Variants in ADK observed in about 807,000 individuals in gnomAD.
ADK encodes adenosine kinase.
In ADK, 24 loss-of-function variants were observed where a neutral mutation model predicts 44.7. The observed-to-expected ratio is 0.54, with a 90% CI of 0.39 to 0.76. ADK has a LOEUF of 0.76. ADK is among the 30% of genes least tolerant of loss of function. The probability of loss-of-function intolerance (pLI) is 0.00; values close to 1 mark genes in which losing one functional copy is unlikely to be tolerated. For synonymous variants in ADK, 128 were observed against 142.6 expected, an observed-to-expected ratio of 0.90 and a Z score of 0.73; for missense variants, 321 against 425.1, an observed-to-expected ratio of 0.76 and a Z score of 2.15.
chr10:74,410,399 C>T (rs1434382231), intron 6 of ADK, among the ~76,000 whole-genome samples: 2 of 152,038 alleles, frequency 1.3e-5, no homozygotes, highest in African/African-American at 2.4e-5. Flanking sequence ...TTAGGCCAGG[C>T]ACAGTGGCTC....
intron 2 of ADK, among the ~76,000 whole-genome samples, chr10:74,217,300 G>A (rs7895061): frequency 0.17 from 26,019 of 152,242 alleles, 2,610 homozygotes; most frequent in African/African-American, 0.28. Context: ...ACTGCAAGGC[G>A]GCAGCGAGGC....
chr10:74,554,839 C>T (rs989545661), intron 7 of ADK, among the ~76,000 whole-genome samples: 2 of 150,832 alleles, frequency 1.3e-5, no homozygotes, highest in Non-Finnish European at 3.0e-5. Flanking sequence ...CACAGAATAT[C>T]GTTCTTCATT....
chr10:74,401,567 CTT>C (rs958726444), intron 6 of ADK, among the ~76,000 whole-genome samples: 3 of 145,146 alleles, frequency 2.1e-5, no homozygotes, highest in African/African-American at 7.5e-5. Context: ...GCAACCCCTG[CTT>C]TTTTTTTTTG....
rs142344788 is a variant in ADK at position 74,545,803 on chromosome 10, T to C, written c.726+20377T>C. Among the ~76,000 whole-genome samples the C allele has an allele frequency of 7.9e-5, 12 of 152,302 alleles. No homozygotes were observed. The East Asian group carries it at 2.3e-3, about 29-fold the overall frequency. ...AGTAATTGACTTGAATAAAAGTAAA[T>C]GTTAAACATGGAGTTACTAAGTTAA... On this transcript the variant is annotated intron_variant, in intron 7 of 10. Coordinates refer to ENST00000539909, the MANE Select transcript of ADK (RefSeq NM_006721.4).
At chr10:74,292,688 T>C (rs560204384) in intron 3 of ADK, among the ~76,000 whole-genome samples, 1 of 152,280 alleles carries the variant, frequency 6.6e-6, no homozygotes, top group East Asian at 1.9e-4. Context: ...CTTTCTCTTA[T>C]ATCCCACATC....
intron 10 of ADK, among the ~76,000 whole-genome samples, chr10:74,689,490 A>G (rs556945703): frequency 6.6e-6 from 1 of 152,342 alleles, no homozygotes; most frequent in Non-Finnish European, 1.5e-5. Context: ...GTTATCCAGT[A>G]GATCTCCAAG....
chr10:74,230,088 A>G (rs1844700108), intron 3 of ADK, among the ~76,000 whole-genome samples: 1 of 142,250 alleles, frequency 7.0e-6, no homozygotes, highest in African/African-American at 2.6e-5. Context: ...TAAGAACTGG[A>G]TATCTGTAAA....
chr10:74,188,796 G>A (rs752485328), intron 1 of ADK, among the ~76,000 whole-genome samples: 1 of 151,662 alleles, frequency 6.6e-6, no homozygotes, highest in African/African-American at 2.4e-5. Context: ...ATTCAGAGAC[G>A]GAGTCTTGCT....
intron 6 of ADK, among the ~76,000 whole-genome samples, chr10:74,494,177 T>C (rs1385723160): frequency 6.6e-6 from 1 of 152,160 alleles, no homozygotes; most frequent in African/African-American, 2.4e-5. Flanking sequence ...AAAAGAGCAA[T>C]ACCCTGCCCT....
intron 9 of ADK, among the ~76,000 whole-genome samples, chr10:74,658,675 T>C (rs1854584601): frequency 1.3e-5 from 2 of 152,106 alleles, no homozygotes; most frequent in African/African-American, 4.8e-5. Context: ...GCGATTCTCC[T>C]GTCTCAGCCT....
At chr10:74,562,594 A>G (rs1159527297) in intron 7 of ADK, among the ~76,000 whole-genome samples, 1 of 152,246 alleles carries the variant, frequency 6.6e-6, no homozygotes, top group Non-Finnish European at 1.5e-5. Context: ...GACCAAGTGA[A>G]TATGATATAC....
chr10:74,632,022 T>C (rs1157812423), intron 9 of ADK, among the ~76,000 whole-genome samples: 1 of 152,176 alleles, frequency 6.6e-6, no homozygotes, highest in Non-Finnish European at 1.5e-5. Context: ...TACAATTCTT[T>C]TTTTTTGTAT....
At chr10:74,153,903 T>C (rs1841681422) in intron 1 of ADK, among the ~76,000 whole-genome samples, 1 of 152,204 alleles carries the variant, frequency 6.6e-6, no homozygotes. Context: ...CAGTTTGTCT[T>C]TCAAGTACAT....
intron 2 of ADK, among the ~76,000 whole-genome samples, chr10:74,223,093 A>C (rs1844387145): frequency 6.6e-6 from 1 of 152,192 alleles, no homozygotes; most frequent in Non-Finnish European, 1.5e-5. Flanking sequence ...GTATTTTATA[A>C]GAAAAGGAAT....
chr10:74,699,325 T>G (rs890169481), intron 10 of ADK, among the ~76,000 whole-genome samples: 18 of 148,152 alleles, frequency 1.2e-4, no homozygotes, highest in Non-Finnish European at 2.1e-4. Flanking sequence ...TTATTGTTGG[T>G]TTTTTTTTTC....
At chr10:74,307,150 CCTT>C (rs1564645243) in intron 3 of ADK, among the ~76,000 whole-genome samples, 2 of 152,180 alleles carry the variant, frequency 1.3e-5, no homozygotes, top group Non-Finnish European at 2.9e-5. Flanking sequence ...ATTCTCCACT[CCTT>C]CTAGGGCTTT....
intron 1 of ADK, among the ~76,000 whole-genome samples, chr10:74,159,969 C>G (rs1407614353): frequency 6.6e-6 from 1 of 152,172 alleles, no homozygotes; most frequent in Non-Finnish European, 1.5e-5. Flanking sequence ...ATTTATCTCT[C>G]ACGTAGGCCA....
intron 9 of ADK, among the ~76,000 whole-genome samples, chr10:74,608,945 C>T (rs1440504997): frequency 3.9e-5 from 6 of 152,142 alleles, no homozygotes; most frequent in African/African-American, 1.4e-4. Context: ...TCTAGAGAGG[C>T]GGTCTGGCTA....
chr10:74,164,541 A>G (rs1258281163), intron 1 of ADK, among the ~76,000 whole-genome samples: 1 of 152,226 alleles, frequency 6.6e-6, no homozygotes, highest in Admixed American at 6.5e-5. Context: ...ATCTTAAAAA[A>G]GGAAAAATTT....
Sources: allele counts gnomAD v4.1 joint callset (sites outside exome capture counted in the v4.1 genomes callset), GRCh38; gene constraint gnomAD v4.1.1; transcripts MANE v1.5; gene names NCBI Gene and HGNC (gene_info 2026-07-23, HGNC 2026-07-21).